The following CCSER1 variants were observed in gnomAD, a reference collection of about 807,000 sequenced individuals.
The protein encoded by CCSER1 is coiled-coil serine rich protein 1.
Under a neutral mutation model 82.0 loss-of-function variants are expected in CCSER1, and 41 were observed. The ratio of observed to expected loss-of-function variants is 0.50; its 90% confidence interval spans 0.39 to 0.65. The LOEUF (loss-of-function observed/expected upper bound fraction) is 0.65. Among genes scored for constraint, CCSER1 ranks in the 30% least tolerant of loss-of-function variants. CCSER1 has a pLI of 0.00. For synonymous variants in CCSER1, 414 were observed against 383.9 expected (o/e 1.08, Z -0.92); for missense variants, 1,119 against 1,064.2 (o/e 1.05, Z -0.72).
intron 10 of CCSER1, among the ~76,000 whole-genome samples, chr4:91,142,728 G>T (rs1429968382): frequency 6.6e-6 from 1 of 152,134 alleles, no homozygotes; most frequent in African/African-American, 2.4e-5. Flanking sequence ...ATCATTTATT[G>T]AATCGAGAGT....
At chr4:91,030,773 CAT>C (rs1343992321) in intron 9 of CCSER1, among the ~76,000 whole-genome samples, 1 of 151,486 alleles carries the variant, frequency 6.6e-6, no homozygotes, top group African/African-American at 2.4e-5. Context: ...CAAATTAATT[CAT>C]CTCTTTTTTT....
chr4:91,464,808 T>C (rs1232927742), intron 10 of CCSER1, among the ~76,000 whole-genome samples: 1 of 152,168 alleles, frequency 6.6e-6, no homozygotes, highest in Non-Finnish European at 1.5e-5. Flanking sequence ...GAGCTAACTA[T>C]CCTAAATATA....
intron 10 of CCSER1, among the ~76,000 whole-genome samples, chr4:91,175,908 G>A (rs889100523): frequency 6.6e-6 from 1 of 152,188 alleles, no homozygotes; most frequent in African/African-American, 2.4e-5. Flanking sequence ...CCATGCCTAT[G>A]TCCTGAATGT....
At chr4:91,050,736 C>T (rs1344244352) in intron 9 of CCSER1, among the ~76,000 whole-genome samples, 3 of 152,132 alleles carry the variant, frequency 2.0e-5, no homozygotes, top group African/African-American at 7.2e-5. Flanking sequence ...GAAGACAAAG[C>T]ATCAGAGGCC....
In CCSER1 at chr4:91,602,195, GCCCCA is replaced by G. The variant is rs1360479421; in HGVS notation, c.*3140_*3144del. 6.6e-6 allele frequency among the ~76,000 whole-genome samples: 1 copy of G among 151,970 alleles called. No individual in the cohort carries two copies. Among genetic ancestry groups the G allele is most frequent in the Non-Finnish European group, 1.5e-5 (1 of 67,938 alleles). On this transcript the variant is annotated 3_prime_UTR_variant, in exon 11 of 11. Coordinates refer to ENST00000509176, the MANE Select transcript of CCSER1 (RefSeq NM_001145065.2). Reference sequence around the variant, plus strand: ...CCAATATTAATTTGTAGGCATAGTTGCCCCACTTAAAGTGTTTACAAAGATTTTCA... The same window carrying G: ...CCAATATTAATTTGTAGGCATAGTTGCTTAAAGTGTTTACAAAGATTTTCA...
At chr4:90,688,912 G>A (rs1013004146) in intron 6 of CCSER1, among the ~76,000 whole-genome samples, 8 of 151,912 alleles carry the variant, frequency 5.3e-5, no homozygotes, top group African/African-American at 1.5e-4. Flanking sequence ...TTTTCATACT[G>A]TCATGCTAGA....
At chr4:91,567,696 C>A (rs757631798) in intron 10 of CCSER1, among the ~76,000 whole-genome samples, 4 of 150,968 alleles carry the variant, frequency 2.6e-5, no homozygotes, top group Non-Finnish European at 4.4e-5. Flanking sequence ...AGGATTACTA[C>A]CCCTGTTTTT....
intron 9 of CCSER1, among the ~76,000 whole-genome samples, chr4:90,947,390 T>C (rs1196237274): frequency 6.6e-6 from 1 of 152,200 alleles, no homozygotes; most frequent in Non-Finnish European, 1.5e-5. Flanking sequence ...TGAATATTTC[T>C]CCTTAATATA....
At chr4:90,374,809 A>G (rs924828826) in intron 3 of CCSER1, among the ~76,000 whole-genome samples, 3 of 152,104 alleles carry the variant, frequency 2.0e-5, no homozygotes, top group African/African-American at 7.2e-5. Context: ...AATCATTGTC[A>G]TGTACTTTAA....
chr4:90,896,583 AT>A (rs780944050), intron 8 of CCSER1, among the ~76,000 whole-genome samples: 16 of 151,936 alleles, frequency 1.1e-4, no homozygotes, highest in Non-Finnish European at 2.4e-4. Context: ...GGTAATATTC[AT>A]TTTCCCTTGC....
At chr4:90,796,847 A>G (rs74378891) in intron 7 of CCSER1, among the ~76,000 whole-genome samples, 3,610 of 152,264 alleles carry the variant, frequency 0.024, 151 homozygotes, top group African/African-American at 0.084. Context: ...GGTTCAAGAC[A>G]TTGTTTTTTA....
intron 10 of CCSER1, among the ~76,000 whole-genome samples, chr4:91,249,022 C>T (rs1364744799): frequency 6.6e-6 from 1 of 152,088 alleles, no homozygotes; most frequent in African/African-American, 2.4e-5. Flanking sequence ...CTCTTTTGCT[C>T]TTGCTTCTGT....
intron 10 of CCSER1, among the ~76,000 whole-genome samples, chr4:91,310,493 A>G (rs959217376): frequency 2.6e-5 from 4 of 151,758 alleles, no homozygotes; most frequent in African/African-American, 9.7e-5. Context: ...GAAGACAAGG[A>G]TATCTTCTCC....
chr4:91,264,734 G>C (rs1741444214), intron 10 of CCSER1, among the ~76,000 whole-genome samples: 1 of 152,030 alleles, frequency 6.6e-6, no homozygotes. Context: ...TTCTGAGATA[G>C]AGATCAGGTG....
At chr4:90,792,579 G>A (rs62313058) in intron 7 of CCSER1, among the ~76,000 whole-genome samples, 11,178 of 152,260 alleles carry the variant, frequency 0.073, 490 homozygotes, top group East Asian at 0.12. Context: ...ACTGTGTCCT[G>A]TGAGATTTAG....
chr4:90,223,431 A>G (rs1416503377), intron 1 of CCSER1, among the ~76,000 whole-genome samples: 1 of 152,190 alleles, frequency 6.6e-6, no homozygotes, highest in Non-Finnish European at 1.5e-5. Flanking sequence ...ACCCAATTGC[A>G]TGGTACAAAA....
intron 10 of CCSER1, among the ~76,000 whole-genome samples, chr4:91,169,295 C>T (rs1732504923): frequency 6.6e-6 from 1 of 151,198 alleles, no homozygotes; most frequent in Non-Finnish European, 1.5e-5. Context: ...TAGTTACTTC[C>T]TTCAGTTTTT....
At chr4:91,316,341 A>G (rs1745837825) in intron 10 of CCSER1, among the ~76,000 whole-genome samples, 1 of 152,002 alleles carries the variant, frequency 6.6e-6, no homozygotes, top group African/African-American at 2.4e-5. Flanking sequence ...AGCACTCAAT[A>G]AATATGATTA....
At chr4:90,344,045 C>T (rs1368403235) in intron 3 of CCSER1, among the ~76,000 whole-genome samples, 3 of 152,140 alleles carry the variant, frequency 2.0e-5, no homozygotes, top group East Asian at 1.9e-4. Context: ...GTCCACTAAC[C>T]TCCCCAGCCT....
Sources: allele counts gnomAD v4.1 joint callset (sites outside exome capture counted in the v4.1 genomes callset), GRCh38; gene constraint gnomAD v4.1.1; transcripts MANE v1.5; gene names NCBI Gene and HGNC (gene_info 2026-07-23, HGNC 2026-07-21).